Variants in TBX5 observed in about 807,000 individuals in gnomAD.
The protein encoded by TBX5 is T-box transcription factor 5, also known as T-box transcription factor TBX5.
TBX5 carries 8 observed loss-of-function variants against 51.1 expected under a neutral mutation model. The observed-to-expected ratio is 0.16, with a 90% CI of 0.09 to 0.28. The LOEUF (loss-of-function observed/expected upper bound fraction) is 0.28, where lower values mean the gene tolerates loss of function less well. Among genes scored for constraint, TBX5 ranks in the 10% least tolerant of loss-of-function variants. TBX5 has a pLI of 1.00. For missense variants in TBX5, 589 were observed against 671.7 expected (o/e 0.88, Z 1.36); for synonymous variants, 302 against 266.4 (o/e 1.13, Z -1.30).
rs886039131 is a variant in TBX5, at chr12:114,399,615, T to C, written c.260A>G (p.Tyr87Cys). ...ATTAAGGCCCGTCACCTTCACTTTG[T>C]AACTGGGAAACATCCGCCTAAGAGA... is the stretch of plus-strand genomic sequence containing the variant. ...TKAGRRMFPS[Y>C]KVKVTGLNPK... is the part of the protein sequence containing the mutation. The change falls in exon 4 of 9, where the codon TAC (tyrosine) becomes TGC (cysteine). Residue 87 changes from tyrosine to cysteine, a missense_variant. Physicochemically the swap from Tyr to Cys is radical, Grantham distance 194. Transcript: ENST00000405440. The C allele has an allele frequency of 2.5e-6, 4 of 1,614,096 alleles. No individual in the cohort carries two copies. The South Asian group carries it at 3.3e-5, about 13-fold the overall frequency.
At chr12:114,357,262 T>G (rs1432351348) in intron 8 of TBX5, among the ~76,000 whole-genome samples, 2 of 152,192 alleles carry the variant, frequency 1.3e-5, no homozygotes, top group Non-Finnish European at 2.9e-5. Flanking sequence ...CTTTCACCAC[T>G]TCGGGGCCAC....
intron 6 of TBX5, among the ~76,000 whole-genome samples, chr12:114,391,438 A>G (rs1871137557): frequency 6.6e-6 from 1 of 152,208 alleles, no homozygotes; most frequent in African/African-American, 2.4e-5. Context: ...CTGATCTGCT[A>G]AGTAGTCAAT....
intron 5 of TBX5, among the ~76,000 whole-genome samples, chr12:114,396,600 G>T (rs1242216211): frequency 1.3e-5 from 2 of 152,128 alleles, no homozygotes; most frequent in Non-Finnish European, 2.9e-5. Context: ...GCCCTAGAGA[G>T]ACCCCAAAGG....
At chr12:114,375,017 A>G (rs938847374) in intron 7 of TBX5, among the ~76,000 whole-genome samples, 4 of 152,338 alleles carry the variant, frequency 2.6e-5, no homozygotes, top group Admixed American at 2.0e-4. Flanking sequence ...CACTCATCGT[A>G]CAATTCTTCC....
Position 114,355,855 on chromosome 12 carries a change from C to G in TBX5, c.1234G>C (p.Val412Leu), listed in dbSNP as rs114124210. The G allele has an allele frequency of 6.2e-7, 1 of 1,613,800 alleles. No homozygotes were observed. Among genetic ancestry groups the G allele is most frequent in the Non-Finnish European group, 8.5e-7 (1 of 1,180,004 alleles). Residue 412 changes from valine (V) to leucine (L), a missense_variant, in exon 9 of 9, where the codon GTC becomes CTC. This residue lies in a region of TBX5 where 348 missense variants were observed against 360.4 expected (regional missense o/e 0.97). Transcript: ENST00000405440. ...CTGTCCATGGGCTGCACGGTGGTGACGGTGCAGCTGCTGTAGGAAGGCATG... is the reference window on the plus strand; with the variant it reads ...CTGTCCATGGGCTGCACGGTGGTGAGGGTGCAGCTGCTGTAGGAAGGCATG... ...PSMPSYSSCTVTTVQPMDRLP... is the reference protein window; with the variant it reads ...PSMPSYSSCTLTTVQPMDRLP...
chr12:114,408,273 C>T (rs1044499053), upstream of TBX5: 24 of 939,294 alleles, frequency 2.6e-5, no homozygotes, highest in African/African-American at 4.1e-4. Context: ...CGGCTTTCTC[C>T]GGAGGAATGA....
At chr12:114,371,965 G>A (rs1593853413) in intron 7 of TBX5, among the ~76,000 whole-genome samples, 1 of 152,132 alleles carries the variant, frequency 6.6e-6, no homozygotes, top group Non-Finnish European at 1.5e-5. Flanking sequence ...ACACCAGCAG[G>A]AGAAGGGCGC....
rs539658885 is a variant in TBX5, at chr12:114,358,020, G to A, written c.983-1914C>T. On this transcript the variant is annotated intron_variant, in intron 8 of 8. Transcript: ENST00000405440. ...ACAGTAATTCCTCAAGGTGTCTGCT[G>A]TAATGCCTGTCTCATAAAGGCAGAA... Among the ~76,000 whole-genome samples the A allele has an allele frequency of 2.6e-5, 4 of 152,322 alleles. No homozygotes were observed. In the East Asian group the frequency reaches 7.7e-4, roughly 29 times the overall value.
chr12:114,381,164 A>T (rs1449593133), intron 7 of TBX5, among the ~76,000 whole-genome samples: 1 of 152,246 alleles, frequency 6.6e-6, no homozygotes, highest in African/African-American at 2.4e-5. Context: ...AGATGGGGGA[A>T]CAGCCAGACA....
intron 7 of TBX5, 57 bp downstream of exon 7, chr12:114,385,419 C>A: frequency 6.6e-7 from 1 of 1,511,340 alleles, no homozygotes; most frequent in Non-Finnish European, 9.2e-7. Context: ...TGCTGGCTTA[C>A]CTGGGTAATT....
chr12:114,387,859 T>TGGGG (rs2136401129), intron 6 of TBX5, among the ~76,000 whole-genome samples: 1 of 152,314 alleles, frequency 6.6e-6, no homozygotes, highest in East Asian at 1.9e-4. Context: ...TGTTTGGATA[T>TGGGG]GGGGTCTCAA....
intron 7 of TBX5, among the ~76,000 whole-genome samples, chr12:114,368,671 G>C (rs1257581117): frequency 6.6e-6 from 1 of 152,140 alleles, no homozygotes; most frequent in Non-Finnish European, 1.5e-5. Flanking sequence ...TGCTTTTAGG[G>C]GAGCAGGGTT....
At chr12:114,404,980 G>T (rs937520869) in intron 1 of TBX5, among the ~76,000 whole-genome samples, 1 of 152,220 alleles carries the variant, frequency 6.6e-6, no homozygotes, top group Non-Finnish European at 1.5e-5. Flanking sequence ...AGCTGTTCAA[G>T]CCCGATGAGC....
intron 7 of TBX5, among the ~76,000 whole-genome samples, chr12:114,373,998 G>A (rs1403836283): frequency 1.3e-5 from 2 of 152,342 alleles, no homozygotes; most frequent in East Asian, 3.9e-4. Flanking sequence ...ACTGCTTTCT[G>A]TACCAAAGGG....
intron 4 of TBX5, 55 bp downstream of exon 4, chr12:114,399,458 G>A: frequency 6.2e-7 from 1 of 1,605,058 alleles, no homozygotes; most frequent in African/African-American, 1.3e-5. Context: ...TCAACTTTTT[G>A]GGAGAAGGTT....
intron 3 of TBX5, 145 bp from the exon 4 acceptor site, chr12:114,399,777 A>T (rs1156331918): frequency 6.6e-6 from 9 of 1,359,740 alleles, no homozygotes; most frequent in African/African-American, 1.4e-5. Flanking sequence ...CGCAAGATCC[A>T]TCCCGGGTTT....
intron 7 of TBX5, among the ~76,000 whole-genome samples, chr12:114,377,274 A>G (rs1259185447): frequency 6.6e-6 from 1 of 152,202 alleles, no homozygotes; most frequent in Non-Finnish European, 1.5e-5. Flanking sequence ...AAAAATGATC[A>G]TTTGAGGTTA....
chr12:114,391,289 CA>C (rs1298586127), intron 6 of TBX5, among the ~76,000 whole-genome samples: 4 of 152,208 alleles, frequency 2.6e-5, no homozygotes, highest in Non-Finnish European at 4.4e-5. Context: ...CTAATATTTG[CA>C]GTTGTTTTTC....
chr12:114,405,579 C>A, intron 1 of TBX5, 49 bp downstream of exon 1: 2 of 492,572 alleles, frequency 4.1e-6, no homozygotes, highest in South Asian at 8.7e-5. Context: ...GCCGACTCGG[C>A]CGACGAGCTC....
Sources: allele counts gnomAD v4.1 joint callset (sites outside exome capture counted in the v4.1 genomes callset), GRCh38; gene constraint gnomAD v4.1.1; regional missense constraint gnomAD v4.1.1; transcripts MANE v1.5; gene names NCBI Gene and HGNC (gene_info 2026-07-23, HGNC 2026-07-21).